Variants in NFIL3 observed in about 807,000 individuals in gnomAD.
NFIL3 encodes nuclear factor interleukin-3-regulated protein.
In NFIL3, 5 loss-of-function variants were observed where a neutral mutation model predicts 10.0. The ratio of observed to expected loss-of-function variants is 0.50; its 90% confidence interval spans 0.26 to 1.06. The LOEUF (loss-of-function observed/expected upper bound fraction) is 1.06, where lower values mean the gene tolerates loss of function less well. Among genes scored for constraint, NFIL3 ranks in the 50% least tolerant of loss-of-function variants. The pLI, the probability that NFIL3 is intolerant of heterozygous loss-of-function variation, is 0.13. For synonymous variants in NFIL3, 202 were observed against 206.5 expected (o/e 0.98, Z 0.19); for missense variants, 436 against 547.6 (o/e 0.80, Z 2.03).
chr9:91,469,997 T>A, the NFIL3 span, among the ~76,000 whole-genome samples: 1 of 152,178 alleles, frequency 6.6e-6, no homozygotes, highest in Non-Finnish European at 1.5e-5. Context: ...ATTCTCTTTT[T>A]TTGTGGTGTC....
At chr9:91,431,493 C>G in the NFIL3 span, among the ~76,000 whole-genome samples, 4 of 152,278 alleles carry the variant, frequency 2.6e-5, no homozygotes, top group South Asian at 8.3e-4. Flanking sequence ...TCTACCATTC[C>G]GTGGAGAGGG....
At chr9:91,452,131 G>A in the NFIL3 span, among the ~76,000 whole-genome samples, 1 of 152,028 alleles carries the variant, frequency 6.6e-6, no homozygotes, top group African/African-American at 2.4e-5. Context: ...CTCCCTTTTG[G>A]AATTCAGGAA....
At chr9:91,452,572 C>T in the NFIL3 span, among the ~76,000 whole-genome samples, 2 of 151,940 alleles carry the variant, frequency 1.3e-5, no homozygotes, top group Admixed American at 6.6e-5. Context: ...GTCAGGAGTT[C>T]GAGACCAGCC....
chr9:91,441,572 T>G, the NFIL3 span, among the ~76,000 whole-genome samples: 5 of 152,190 alleles, frequency 3.3e-5, no homozygotes, highest in African/African-American at 1.2e-4. Context: ...GGTTGTCCTG[T>G]GGATCCTTTG....
chr9:91,454,245 A>AAAAAG, the NFIL3 span, among the ~76,000 whole-genome samples: 1 of 151,872 alleles, frequency 6.6e-6, no homozygotes, highest in Non-Finnish European at 1.5e-5. Flanking sequence ...AAAAAAAAAA[A>AAAAAG]AAAAAGAATA....
intron 1 of NFIL3, among the ~76,000 whole-genome samples, chr9:91,413,114 T>C (rs1158179119): frequency 6.6e-6 from 1 of 152,128 alleles, no homozygotes; most frequent in Admixed American, 6.5e-5. Context: ...TCAGAGAAAT[T>C]TGTGATTATT....
chr9:91,423,769 G>C lies in NFIL3; in HGVS notation c.-302C>G, dbSNP rs1416535027. 1 of 145,504 alleles carries C rather than the reference G, an allele frequency of 6.9e-6. No homozygotes were observed. The highest frequency in any genetic ancestry group is 2.0e-4 in the East Asian group (1 of 4,970). 9.0% of individuals were successfully genotyped at this position (145,504 alleles called of 1,614,324 possible). On this transcript the variant is annotated 5_prime_UTR_variant, in exon 1 of 2. Coordinates refer to ENST00000297689, the MANE Select transcript of NFIL3 (RefSeq NM_005384.3). ...GGAGGCGGGCGGCGGCGAGGGCGCG[G>C]CGCGGGAGGCGGGCGGGCGCGCCGG...
At chr9:91,421,567 C>G (rs968093003) in intron 1 of NFIL3, among the ~76,000 whole-genome samples, 14 of 152,294 alleles carry the variant, frequency 9.2e-5, no homozygotes, top group Middle Eastern at 3.4e-3. Context: ...CCCCCAGCCC[C>G]GGATTCTCGC....
the NFIL3 span, among the ~76,000 whole-genome samples, chr9:91,445,816 T>C: frequency 4.6e-5 from 7 of 152,082 alleles, no homozygotes; most frequent in African/African-American, 1.7e-4. Flanking sequence ...CTCCAGTGAC[T>C]GAAATCGGGG....
At chr9:91,433,261 C>G in the NFIL3 span, among the ~76,000 whole-genome samples, 4 of 152,182 alleles carry the variant, frequency 2.6e-5, no homozygotes, top group Non-Finnish European at 5.9e-5. Context: ...AGCACACATT[C>G]TACATTTATT....
the NFIL3 span, among the ~76,000 whole-genome samples, chr9:91,457,484 T>A: frequency 6.6e-6 from 1 of 152,150 alleles, no homozygotes; most frequent in Non-Finnish European, 1.5e-5. Flanking sequence ...AAGTGTTTTT[T>A]ATGCTATTAT....
chr9:91,431,181 G>A, the NFIL3 span, among the ~76,000 whole-genome samples: 1 of 152,170 alleles, frequency 6.6e-6, no homozygotes, highest in African/African-American at 2.4e-5. Context: ...CAGGCAGTAC[G>A]TTATTCAAGC....
intron 1 of NFIL3, among the ~76,000 whole-genome samples, chr9:91,411,554 T>C (rs1564155444): frequency 6.6e-6 from 1 of 152,196 alleles, no homozygotes; most frequent in Non-Finnish European, 1.5e-5. Flanking sequence ...CATCACATCC[T>C]TGACTGCCTG....
At chr9:91,455,145 G>A in the NFIL3 span, among the ~76,000 whole-genome samples, 1 of 152,162 alleles carries the variant, frequency 6.6e-6, no homozygotes, top group Non-Finnish European at 1.5e-5. Flanking sequence ...GGTAGTATCT[G>A]TTGAGTTTCT....
intron 1 of NFIL3, among the ~76,000 whole-genome samples, chr9:91,418,026 A>T (rs1833690301): frequency 6.6e-6 from 1 of 152,314 alleles, no homozygotes; most frequent in Middle Eastern, 3.4e-3. Context: ...TACATCACTG[A>T]TGTAATTTAA....
the NFIL3 span, among the ~76,000 whole-genome samples, chr9:91,433,940 G>A: frequency 4.5e-4 from 68 of 152,060 alleles, 1 homozygote; most frequent in East Asian, 0.013. Flanking sequence ...AAAGGTACAA[G>A]CTAGTCTACA....
chr9:91,456,651 T>C, the NFIL3 span, among the ~76,000 whole-genome samples: 5 of 152,124 alleles, frequency 3.3e-5, no homozygotes, highest in East Asian at 9.6e-4. Context: ...ATGGCTAGCT[T>C]TTCATTTTCT....
At chr9:91,479,189 C>A in the NFIL3 span, among the ~76,000 whole-genome samples, 1 of 152,188 alleles carries the variant, frequency 6.6e-6, no homozygotes, top group Non-Finnish European at 1.5e-5. Flanking sequence ...GGGGATCCAC[C>A]ACTCTCTTCA....
At chr9:91,478,314 A>G in the NFIL3 span, among the ~76,000 whole-genome samples, 4 of 151,976 alleles carry the variant, frequency 2.6e-5, no homozygotes, top group Non-Finnish European at 5.9e-5. Context: ...GCCTTTTCAC[A>G]TAGTCCCATA....
Sources: gnomAD v4.1 joint callset for allele counts (sites outside exome capture counted in the v4.1 genomes callset) on GRCh38, gnomAD v4.1.1 for gene constraint, MANE v1.5 for transcripts, NCBI Gene and HGNC (gene_info 2026-07-23, HGNC 2026-07-21) for gene names.